The following GRM8 variants were observed in gnomAD, a reference collection of about 807,000 sequenced individuals.
The protein encoded by GRM8 is metabotropic glutamate receptor 8.
GRM8 carries 47 observed loss-of-function variants against 87.2 expected under a neutral mutation model. The ratio of observed to expected loss-of-function variants is 0.54; its 90% CI spans 0.43 to 0.69. The LOEUF is 0.69. Ranked by LOEUF, GRM8 falls within the 30% of genes least tolerant of loss-of-function variation. The pLI, the probability that GRM8 is intolerant of heterozygous loss-of-function variation, is 0.00. For missense variants in GRM8, 1,019 were observed against 1,139.2 expected, an observed-to-expected ratio of 0.89 and a Z score of 1.52; for synonymous variants, 396 against 404.5, an observed-to-expected ratio of 0.98 and a Z score of 0.25.
chr7:127,130,279 T>A (rs1308064958), intron 2 of GRM8, among the ~76,000 whole-genome samples: 1 of 151,798 alleles, frequency 6.6e-6, no homozygotes, highest in Non-Finnish European at 1.5e-5. Flanking sequence ...GGGAGTGGGG[T>A]ACTGCTATAA....
chr7:126,555,924 A>G (rs1348294893), intron 8 of GRM8, among the ~76,000 whole-genome samples: 1 of 152,242 alleles, frequency 6.6e-6, no homozygotes, highest in Non-Finnish European at 1.5e-5. Flanking sequence ...AGGAAAACTC[A>G]TATCTCAGAA....
At chr7:127,220,381 C>G (rs1356271978) in intron 2 of GRM8, among the ~76,000 whole-genome samples, 1 of 152,146 alleles carries the variant, frequency 6.6e-6, no homozygotes, top group African/African-American at 2.4e-5. Flanking sequence ...AAAAAAGGAT[C>G]TTTAATAAGC....
rs536729090 is a variant in GRM8, at chr7:126,586,211, G to C, written c.1494+23151C>G. On this transcript the variant is annotated intron_variant, in intron 8 of 10. Coordinates refer to ENST00000339582, the MANE Select transcript of GRM8 (RefSeq NM_000845.3). ...ACAAACAAATGGAAGAACATTCCAT[G>C]CTCATGGATAGGAAAAATCAATATC... Among the ~76,000 whole-genome samples, 11 of 152,274 alleles carry C rather than the reference G, an allele frequency of 7.2e-5. No individual in the cohort carries two copies. In the East Asian group the frequency reaches 1.7e-3, roughly 24 times the overall value.
chr7:126,541,724 C>T (rs960031107), intron 8 of GRM8, among the ~76,000 whole-genome samples: 2 of 152,202 alleles, frequency 1.3e-5, no homozygotes, highest in Non-Finnish European at 2.9e-5. Context: ...CAAGGACCAT[C>T]TAAATTTGTT....
At chr7:126,945,848 TG>T (rs1179219516) in intron 3 of GRM8, among the ~76,000 whole-genome samples, 1 of 152,184 alleles carries the variant, frequency 6.6e-6, no homozygotes, top group Non-Finnish European at 1.5e-5. Flanking sequence ...CATAAAGGCC[TG>T]GAAGAATACA....
At chr7:127,111,235 C>T (rs1224654232) in intron 2 of GRM8, 2 of 152,124 alleles carry the variant, frequency 1.3e-5, no homozygotes, top group Non-Finnish European at 2.9e-5. Context: ...ATTTAACTAG[C>T]TATTCTGTGA....
chr7:127,110,617 T>TAA (rs56242958), intron 2 of GRM8, among the ~76,000 whole-genome samples: 8 of 151,728 alleles, frequency 5.3e-5, no homozygotes, highest in African/African-American at 1.7e-4. Flanking sequence ...CCTCTTTTTT[T>TAA]AAAAAAAAAT....
intron 7 of GRM8, among the ~76,000 whole-genome samples, chr7:126,681,512 T>C (rs901829425): frequency 6.6e-6 from 1 of 152,214 alleles, no homozygotes; most frequent in Admixed American, 6.5e-5. Context: ...AAAAGTACTA[T>C]CCATGCATTA....
intron 3 of GRM8, among the ~76,000 whole-genome samples, chr7:127,001,375 G>A (rs919702468): frequency 1.3e-5 from 2 of 151,580 alleles, no homozygotes; most frequent in African/African-American, 2.4e-5. Context: ...ATAATTACAT[G>A]TGTTTGTATA....
intron 7 of GRM8, among the ~76,000 whole-genome samples, chr7:126,625,517 C>T (rs1177723086): frequency 7.4e-6 from 1 of 135,552 alleles, no homozygotes; most frequent in African/African-American, 2.5e-5. Context: ...TATCAAAAAA[C>T]TGAGATAACA....
chr7:127,046,280 G>C (rs1289210518), intron 3 of GRM8, among the ~76,000 whole-genome samples: 2 of 152,102 alleles, frequency 1.3e-5, no homozygotes, highest in African/African-American at 4.8e-5. Flanking sequence ...GCTGAGGCAG[G>C]AGAATGGCGT....
At chr7:126,542,318 T>C (rs765725638) in intron 8 of GRM8, among the ~76,000 whole-genome samples, 3 of 152,354 alleles carry the variant, frequency 2.0e-5, no homozygotes, top group Non-Finnish European at 4.4e-5. Flanking sequence ...TACTAGGGAC[T>C]GTACATACAG....
intron 3 of GRM8, among the ~76,000 whole-genome samples, chr7:126,944,399 T>C (rs1178249366): frequency 6.6e-6 from 1 of 152,168 alleles, no homozygotes; most frequent in Non-Finnish European, 1.5e-5. Flanking sequence ...CCTTGGGCTG[T>C]GGCCCAGCAG....
At chr7:126,898,149 C>T (rs550478877) in intron 6 of GRM8, among the ~76,000 whole-genome samples, 15 of 152,170 alleles carry the variant, frequency 9.9e-5, no homozygotes, top group Non-Finnish European at 2.2e-4. Flanking sequence ...ATCTCACTTT[C>T]AGAGAGTGCC....
intron 2 of GRM8, among the ~76,000 whole-genome samples, chr7:127,184,221 A>C (rs769961859): frequency 4.6e-5 from 7 of 151,960 alleles, no homozygotes; most frequent in Non-Finnish European, 1.0e-4. Context: ...CTATAGATCA[A>C]TATCTATCAT....
chr7:126,988,271 C>G (rs1341345935), intron 3 of GRM8, among the ~76,000 whole-genome samples: 1 of 152,198 alleles, frequency 6.6e-6, no homozygotes, highest in Admixed American at 6.5e-5. Context: ...GTCAGTTAAA[C>G]AGAGGATTTA....
At chr7:126,536,229 T>C (rs1399320755) in intron 8 of GRM8, among the ~76,000 whole-genome samples, 1 of 152,186 alleles carries the variant, frequency 6.6e-6, no homozygotes, top group Non-Finnish European at 1.5e-5. Context: ...CCTTCATCAT[T>C]CTTATGGTGG....
chr7:126,569,444 A>C (rs1048277097), intron 8 of GRM8, among the ~76,000 whole-genome samples: 1 of 152,190 alleles, frequency 6.6e-6, no homozygotes, highest in African/African-American at 2.4e-5. Flanking sequence ...AAAATGCTGA[A>C]AGTGAATTTT....
chr7:126,993,170 T>A (rs1373174449), intron 3 of GRM8, among the ~76,000 whole-genome samples: 1 of 152,136 alleles, frequency 6.6e-6, no homozygotes, highest in East Asian at 1.9e-4. Context: ...TAGGCCTATA[T>A]GACCCAAGAA....
Sources: allele counts gnomAD v4.1 joint callset (sites outside exome capture counted in the v4.1 genomes callset), GRCh38; gene constraint gnomAD v4.1.1; transcripts MANE v1.5; gene names NCBI Gene and HGNC (gene_info 2026-07-23, HGNC 2026-07-21).